The following GOLGB1 variants were observed in gnomAD, a reference collection of about 807,000 sequenced individuals.
The protein encoded by GOLGB1 is golgin B1, also known as golgin subfamily B member 1.
GOLGB1 carries 174 observed loss-of-function variants against 336.9 expected under a neutral mutation model. That is an observed-to-expected ratio of 0.52 (90% CI 0.46 to 0.59). The LOEUF (loss-of-function observed/expected upper bound fraction) is 0.59, where lower values mean the gene tolerates loss of function less well. Ranked by LOEUF, GOLGB1 falls within the 20% of genes least tolerant of loss-of-function variation. The pLI is 0.00. For missense variants in GOLGB1, 3,331 were observed against 3,645.3 expected (o/e 0.91, Z 2.22); for synonymous variants, 1,208 against 1,289.2 (o/e 0.94, Z 1.35).
At chr3:121,706,889 A>G (rs1227961245) in intron 10 of GOLGB1, among the ~76,000 whole-genome samples, 1 of 152,042 alleles carries the variant, frequency 6.6e-6, no homozygotes, top group African/African-American at 2.4e-5. Flanking sequence ...ATGGTGAGAT[A>G]AAGATGTCTT....
chr3:121,681,533 G>A (rs534622865), intron 15 of GOLGB1, among the ~76,000 whole-genome samples, 154 bp downstream of exon 15: 2 of 152,322 alleles, frequency 1.3e-5, no homozygotes, highest in Non-Finnish European at 2.9e-5. Context: ...TCCTGGTTTT[G>A]ATACTGTGCT....
chr3:121,726,270 T>C (rs568650861), intron 5 of GOLGB1, among the ~76,000 whole-genome samples: 71 of 149,998 alleles, frequency 4.7e-4, no homozygotes, highest in Admixed American at 1.1e-3. Flanking sequence ...CCATTTCTAC[T>C]AAAAATACAA....
In GOLGB1 at chr3:121,691,769, G is replaced by A. The variant is rs1332482820; in HGVS notation, c.7595C>T (p.Ala2532Val). The A allele has an allele frequency of 3.7e-6, 6 of 1,612,960 alleles. No homozygotes were observed. The highest frequency in any genetic ancestry group is 3.4e-6 in the Non-Finnish European group (4 of 1,179,230). Residue 2532 changes from alanine to valine, a missense_variant, in exon 14 of 22, where the codon GCC (alanine) becomes GTC (valine). Ala to Val is a moderately conservative substitution (Grantham distance 64, BLOSUM62 0). Transcript: ENST00000614479. ...TTGGATCAGTTCTGCATCTAGCTTG[G>A]CATTCTCAGAATTGAGATCATCCAT... ...SHMDDLNSEN[A>V]KLDAELIQYR...
intron 10 of GOLGB1, among the ~76,000 whole-genome samples, chr3:121,708,185 T>C (rs910178047): frequency 1.3e-5 from 2 of 152,220 alleles, no homozygotes; most frequent in Non-Finnish European, 1.5e-5. Flanking sequence ...ATACAACTTA[T>C]ATAAACTTTT....
At chr3:121,683,253 C>T (rs2107684577) in intron 14 of GOLGB1, among the ~76,000 whole-genome samples, 1 of 151,610 alleles carries the variant, frequency 6.6e-6, no homozygotes, top group South Asian at 2.1e-4. Context: ...CTTTTTGTTA[C>T]CCCAACAGAC....
Position 121,698,909 on chromosome 3 carries a change from G to A in GOLGB1, c.1614C>T (p.Ala538=). Residue 538 remains alanine (A), a synonymous_variant, in exon 13 of 22, where the codon GCC becomes GCT. Coordinates refer to ENST00000614479, the MANE Select transcript of GOLGB1 (RefSeq NM_001366282.2). ...CCTCAGCAGAAGAGCTCCTCTTGTT[G>A]GCAATATCAACAATGCTGATCTATT... is the stretch of plus-strand genomic sequence containing the variant. ...EVSEISIVDI[A]NKRSSSAEES... 2.5e-6 allele frequency: 4 copies of A among 1,575,054 alleles called. No homozygotes were observed. Among genetic ancestry groups the A allele is most frequent in the African/African-American group, 1.4e-5 (1 of 72,702 alleles).
At chr3:121,701,671 A>G (rs1026542246) in intron 11 of GOLGB1, among the ~76,000 whole-genome samples, 2 of 152,124 alleles carry the variant, frequency 1.3e-5, no homozygotes, top group African/African-American at 2.4e-5. Context: ...TTCACACACA[A>G]TCCAATAGGA....
chr3:121,694,943 C>T lies in GOLGB1; in HGVS notation c.5580G>A (p.Glu1860=). The T allele has an allele frequency of 1.9e-6, 3 of 1,614,052 alleles. No homozygotes were observed. The highest frequency in any genetic ancestry group is 2.5e-6 in the Non-Finnish European group (3 of 1,179,950). ...LKERIAGLEE[E]KQKNKEFSQT... ...GGCTAAATTCCTTGTTTTTCTGCTT[C>T]TCCTCCTCTAATCCAGCAATTCTTT... Residue 1860 remains glutamate, a synonymous_variant, in exon 13 of 22, where the codon GAG becomes GAA. Transcript: ENST00000614479.
chr3:121,730,219 T>G (rs1008786915), intron 2 of GOLGB1: 1 of 458,102 alleles, frequency 2.2e-6, no homozygotes, highest in East Asian at 3.5e-5. Flanking sequence ...TTTACAAACA[T>G]TATCCCATTT....
chr3:121,734,720 A>T (rs934457355), intron 1 of GOLGB1, among the ~76,000 whole-genome samples: 1 of 152,254 alleles, frequency 6.6e-6, no homozygotes, highest in Non-Finnish European at 1.5e-5. Flanking sequence ...AGGGATATAG[A>T]GCAACAGGAA....
In GOLGB1 at chr3:121,740,802, T is replaced by C. The variant is rs1322610895; in HGVS notation, c.-3+8830A>G. 2.0e-5 allele frequency among the ~76,000 whole-genome samples: 3 copies of C among 152,194 alleles called. No homozygotes were observed. The East Asian group carries it at 5.8e-4, about 29-fold the overall frequency. ...GCAAAGCAAAGAAACAGCACAAATA[T>C]GAAAAACCATAATCCAAGAATATTT... On this transcript the variant is annotated intron_variant, in intron 1 of 21. Transcript: ENST00000614479.
chr3:121,739,993 T>C (rs550393992), intron 1 of GOLGB1, among the ~76,000 whole-genome samples: 1 of 152,346 alleles, frequency 6.6e-6, no homozygotes, highest in Non-Finnish European at 1.5e-5. Flanking sequence ...CATACTTCTA[T>C]AACATTTTTG....
intron 14 of GOLGB1, among the ~76,000 whole-genome samples, chr3:121,682,779 A>T (rs71329232): frequency 6.6e-6 from 1 of 152,184 alleles, no homozygotes; most frequent in Non-Finnish European, 1.5e-5. Flanking sequence ...AACAGGAAAA[A>T]CAATAGAGGA....
At chr3:121,675,118 G>T (rs1042871559) in intron 17 of GOLGB1, among the ~76,000 whole-genome samples, 2 of 150,842 alleles carry the variant, frequency 1.3e-5, no homozygotes, top group South Asian at 4.2e-4. Flanking sequence ...TTACAGGCGT[G>T]AGCCACCGCG....
intron 15 of GOLGB1, 65 bp from the exon 16 acceptor site, chr3:121,677,515 C>T (rs1212263549): frequency 1.9e-6 from 2 of 1,057,542 alleles, no homozygotes; most frequent in African/African-American, 1.6e-5. Context: ...TAGCTCGCAC[C>T]TGTAACCTCA....
Position 121,694,216 on chromosome 3 carries a change from T to G in GOLGB1, c.6307A>C (p.Asn2103His), listed in dbSNP as rs1242510034. The G allele has an allele frequency of 6.2e-7, 1 of 1,612,088 alleles. No individual in the cohort carries two copies. The highest frequency in any genetic ancestry group is 1.7e-5 in the Admixed American group (1 of 60,032). The stretch of plus-strand genomic sequence containing the variant: ...TGAAGTTCCTTTTTCAACTTGAGAT[T>G]GTCTGCTAGGACCCTTGCTGCTTCA... ...QSEAARVLAD[N>H]LKLKKELQSN... is the part of the protein sequence containing the mutation. The change falls in exon 13 of 22, where the codon AAT (asparagine) becomes CAT (histidine). Residue 2103 changes from asparagine (N) to histidine (H), a missense_variant. Asn to His is a moderately conservative substitution (Grantham distance 68, BLOSUM62 1). Transcript: ENST00000614479.
chr3:121,694,723 G>A lies in GOLGB1; in HGVS notation c.5800C>T (p.Gln1934Ter), dbSNP rs2107820896. 1 of 1,612,164 alleles carries A rather than the reference G, an allele frequency of 6.2e-7. No homozygotes were observed. The highest frequency in any genetic ancestry group is 1.7e-5 in the Admixed American group (1 of 60,016). ...KDDLEERLMN[Q>*]LAELNGSIGN... The stretch of plus-strand genomic sequence containing the variant: ...ATGCTTCCATTAAGTTCTGCTAATT[G>A]ATTCATAAGCCTCTCTTCCAAATCA... The change falls in exon 13 of 22, where the codon CAA (glutamine) becomes TAA (stop). Residue 1934 changes from glutamine (Q) to a stop codon, truncating the protein, a stop_gained. Coordinates refer to ENST00000614479, the MANE Select transcript of GOLGB1 (RefSeq NM_001366282.2). LOFTEE classifies it high-confidence loss of function.
intron 18 of GOLGB1, among the ~76,000 whole-genome samples, chr3:121,668,672 C>CA (rs138891151): frequency 0.03 from 1,885 of 63,604 alleles, 36 homozygotes; most frequent in African/African-American, 0.051. Context: ...GACTCCGTCT[C>CA]AAAAAAAAAA....
In GOLGB1 at chr3:121,695,561, C is replaced by T. The variant is rs762258216; in HGVS notation, c.4962G>A (p.Lys1654=). 2 of 1,614,106 alleles carry T rather than the reference C, an allele frequency of 1.2e-6. No individual in the cohort carries two copies. Among genetic ancestry groups the T allele is most frequent in the Non-Finnish European group, 8.5e-7 (1 of 1,180,020 alleles). The change falls in exon 13 of 22, where the codon AAG becomes AAA. Residue 1654 remains lysine (K), a synonymous_variant. Coordinates refer to ENST00000614479, the MANE Select transcript of GOLGB1 (RefSeq NM_001366282.2). ...VRQEKQELYG[K]LRSTEANKKE... ...TCTTGTTTGCCTCTGTGCTTCTTAA[C>T]TTGCCATACAGTTCTTGTTTCTCTT...
Sources: gnomAD v4.1 joint callset for allele counts (sites outside exome capture counted in the v4.1 genomes callset) on GRCh38, gnomAD v4.1.1 for gene constraint, MANE v1.5 for transcripts, NCBI Gene and HGNC (gene_info 2026-07-23, HGNC 2026-07-21) for gene names.